AGBL1: variants seen among roughly 807,000 people sequenced by gnomAD.
The protein encoded by AGBL1 is cytosolic carboxypeptidase 4.
Under a neutral mutation model 118.9 loss-of-function variants are expected in AGBL1, and 130 were observed. That is an observed-to-expected ratio of 1.09 (90% confidence interval 0.95 to 1.26). The LOEUF is 1.26. AGBL1 is among the 50% of genes most tolerant of loss of function. The probability of loss-of-function intolerance (pLI) is 0.00; values close to 1 mark genes in which losing one functional copy is unlikely to be tolerated. For missense variants in AGBL1, 1,584 were observed against 1,298.1 expected, an observed-to-expected ratio of 1.22 and a Z score of -3.38; for synonymous variants, 555 against 478.9, an observed-to-expected ratio of 1.16 and a Z score of -2.08.
intron 22 of AGBL1, among the ~76,000 whole-genome samples, chr15:86,799,074 A>C (rs560220272): frequency 6.6e-6 from 1 of 152,120 alleles, no homozygotes; most frequent in Admixed American, 6.6e-5. Context: ...GGTAGGAATC[A>C]GACTCCAGAT....
At chr15:87,005,550 T>G (rs2081489669) in intron 24 of AGBL1, among the ~76,000 whole-genome samples, 1 of 152,220 alleles carries the variant, frequency 6.6e-6, no homozygotes, top group Non-Finnish European at 1.5e-5. Context: ...TCAGGTCCTT[T>G]AAGGACTTCT....
At chr15:86,554,241 T>C in intron 20 of AGBL1, 120 bp from the exon 21 acceptor site, 1 of 860,674 alleles carries the variant, frequency 1.2e-6, no homozygotes, top group Non-Finnish European at 1.7e-6. Context: ...GGTTAATAAA[T>C]GATTTAAAGT....
intron 23 of AGBL1, among the ~76,000 whole-genome samples, chr15:86,952,236 A>C (rs969594038): frequency 1.3e-5 from 2 of 152,120 alleles, no homozygotes; most frequent in Non-Finnish European, 2.9e-5. Context: ...CTCAAAAAAA[A>C]AAAAAAATTT....
At chr15:86,970,936 C>A (rs903730174) in intron 23 of AGBL1, among the ~76,000 whole-genome samples, 10 of 152,002 alleles carry the variant, frequency 6.6e-5, no homozygotes, top group African/African-American at 2.4e-4. Flanking sequence ...ATTTGCATGT[C>A]ACTTCCACTG....
chr15:86,876,969 T>C (rs537936118), intron 22 of AGBL1, among the ~76,000 whole-genome samples: 2 of 152,180 alleles, frequency 1.3e-5, no homozygotes, highest in Admixed American at 6.5e-5. Context: ...AGCAATACAA[T>C]CCGTATTGTC....
At chr15:86,850,774 G>A (rs1244926654) in intron 22 of AGBL1, among the ~76,000 whole-genome samples, 2 of 152,130 alleles carry the variant, frequency 1.3e-5, no homozygotes, top group Non-Finnish European at 2.9e-5. Context: ...CATATAGCAA[G>A]TATTTACTTA....
intron 22 of AGBL1, among the ~76,000 whole-genome samples, chr15:86,828,456 T>C (rs2079061847): frequency 6.6e-6 from 1 of 152,078 alleles, no homozygotes; most frequent in South Asian, 2.1e-4. Context: ...ATACATGTCC[T>C]TATAAATAGG....
intron 17 of AGBL1, among the ~76,000 whole-genome samples, chr15:86,333,222 A>G (rs2080303483): frequency 6.6e-6 from 1 of 152,222 alleles, no homozygotes; most frequent in Non-Finnish European, 1.5e-5. Context: ...TCCAAAATCC[A>G]TACAAAGAAT....
intron 18 of AGBL1, among the ~76,000 whole-genome samples, chr15:86,476,207 C>T (rs11073635): frequency 6.6e-6 from 1 of 152,116 alleles, no homozygotes; most frequent in East Asian, 1.9e-4. Context: ...ATCATAATGA[C>T]AGGATCAAAT....
At chr15:86,702,651 A>G (rs1467483525) in intron 22 of AGBL1, among the ~76,000 whole-genome samples, 1 of 152,100 alleles carries the variant, frequency 6.6e-6, no homozygotes, top group Non-Finnish European at 1.5e-5. Context: ...CCTCTTTGTA[A>G]CAAGTAGTAC....
At chr15:86,669,239 A>C (rs2085699067) in intron 21 of AGBL1, among the ~76,000 whole-genome samples, 1 of 152,222 alleles carries the variant, frequency 6.6e-6, no homozygotes, top group Non-Finnish European at 1.5e-5. Flanking sequence ...AGGTATGATA[A>C]TATAAAATAA....
chr15:86,426,469 C>G (rs1397919854), intron 18 of AGBL1, among the ~76,000 whole-genome samples: 1 of 152,186 alleles, frequency 6.6e-6, no homozygotes, highest in Non-Finnish European at 1.5e-5. Context: ...TGGGTTCATT[C>G]ACACAGGGAC....
At chr15:86,364,958 CATATATATATATATATAT>C (rs72116454) in intron 17 of AGBL1, among the ~76,000 whole-genome samples, 1 of 76,138 alleles carries the variant, frequency 1.3e-5, no homozygotes, top group Non-Finnish European at 3.1e-5. Context: ...ATATGTCACA[CATATATATATATATATAT>C]ATATATATAT....
intron 21 of AGBL1, among the ~76,000 whole-genome samples, chr15:86,602,163 C>T (rs1354560551): frequency 6.6e-6 from 1 of 152,024 alleles, no homozygotes; most frequent in Admixed American, 6.6e-5. Context: ...CATTAGTAAT[C>T]CCTTTGCCAG....
At chr15:86,795,135 A>G (rs945289592) in intron 22 of AGBL1, among the ~76,000 whole-genome samples, 2 of 152,204 alleles carry the variant, frequency 1.3e-5, no homozygotes, top group African/African-American at 4.8e-5. Context: ...GAGGGCTACA[A>G]GGCCCAGCCC....
At chr15:86,154,843 C>A (rs1324569239) in intron 4 of AGBL1, among the ~76,000 whole-genome samples, 1 of 151,540 alleles carries the variant, frequency 6.6e-6, no homozygotes. Flanking sequence ...GTAGGCTTTT[C>A]TATTCGTACT....
At chr15:86,957,632 A>G (rs868691368) in intron 23 of AGBL1, among the ~76,000 whole-genome samples, 31 of 152,244 alleles carry the variant, frequency 2.0e-4, no homozygotes, top group Middle Eastern at 3.4e-3. Flanking sequence ...TCATCCTGTA[A>G]TATATTTAAC....
At chr15:86,688,548 CAAGT>C (rs1165270431) in intron 22 of AGBL1, among the ~76,000 whole-genome samples, 2 of 152,014 alleles carry the variant, frequency 1.3e-5, no homozygotes, top group Admixed American at 1.3e-4. Flanking sequence ...CGAATATACG[CAAGT>C]GAGTGTGATG....
intron 18 of AGBL1, among the ~76,000 whole-genome samples, chr15:86,456,793 A>C (rs1462596615): frequency 6.6e-6 from 1 of 152,172 alleles, no homozygotes; most frequent in Non-Finnish European, 1.5e-5. Context: ...TTTTAATGAA[A>C]TGTCAGTTTT....
Sources: gnomAD v4.1 joint callset for allele counts (sites outside exome capture counted in the v4.1 genomes callset) on GRCh38, gnomAD v4.1.1 for gene constraint, MANE v1.5 for transcripts, NCBI Gene and HGNC (gene_info 2026-07-23, HGNC 2026-07-21) for gene names.